Variants in PSPC1 observed in about 807,000 individuals in gnomAD.
PSPC1 encodes paraspeckle protein 1.
In PSPC1, 14 loss-of-function variants were observed where a neutral mutation model predicts 51.6. The observed-to-expected ratio is 0.27, with a 90% CI of 0.18 to 0.42. The LOEUF is 0.42. PSPC1 is among the 10% of genes least tolerant of loss of function. The probability of loss-of-function intolerance (pLI) is 1.00; values close to 1 mark genes in which losing one functional copy is unlikely to be tolerated. For missense variants in PSPC1, 406 were observed against 701.1 expected, an observed-to-expected ratio of 0.58 and a Z score of 4.75; for synonymous variants, 193 against 231.9, an observed-to-expected ratio of 0.83 and a Z score of 1.53.
chr13:19,732,830 C>T (rs780123608), intron 5 of PSPC1, among the ~76,000 whole-genome samples: 4 of 151,428 alleles, frequency 2.6e-5, no homozygotes, highest in Non-Finnish European at 4.4e-5. Flanking sequence ...GGGAGGCTGA[C>T]GCAGGAGAAT....
At chr13:19,739,862 TAAAAAAAAAA>T (rs1005642453) in intron 5 of PSPC1, among the ~76,000 whole-genome samples, 5 of 129,368 alleles carry the variant, frequency 3.9e-5, no homozygotes, top group Non-Finnish European at 8.4e-5. Context: ...GAGAGTTGTT[TAAAAAAAAAA>T]AAAAAAAAAC....
At chr13:19,767,822 T>TCATA (rs1316079618) in intron 2 of PSPC1, among the ~76,000 whole-genome samples, 1 of 152,030 alleles carries the variant, frequency 6.6e-6, no homozygotes, top group Non-Finnish European at 1.5e-5. Context: ...TAAGCAAAGA[T>TCATA]CATACAAGGA....
chr13:19,672,424 A>C (rs1056893446), downstream of PSPC1: 1 of 152,388 alleles, frequency 6.6e-6, no homozygotes, highest in Non-Finnish European at 1.5e-5. Flanking sequence ...GATTACAGGC[A>C]TGAGCCACCG....
intron 4 of PSPC1, among the ~76,000 whole-genome samples, chr13:19,743,684 G>A (rs150890390): frequency 6.6e-6 from 1 of 152,230 alleles, no homozygotes; most frequent in Admixed American, 6.5e-5. Context: ...ATGAGACAGG[G>A]CCCAGGTAGT....
At chr13:19,743,427 G>T (rs1017170373) in intron 4 of PSPC1, among the ~76,000 whole-genome samples, 1 of 151,836 alleles carries the variant, frequency 6.6e-6, no homozygotes, top group Non-Finnish European at 1.5e-5. Flanking sequence ...ACCATAACAA[G>T]GTAAATATTG....
chr13:19,672,749 C>G (rs1876206277), downstream of PSPC1: 1 of 171,714 alleles, frequency 5.8e-6, no homozygotes, highest in African/African-American at 2.4e-5. Flanking sequence ...ACAAGAGAAT[C>G]TAAGATGTAG....
chr13:19,782,710 C>A lies in PSPC1; in HGVS notation c.48G>T (p.Pro16=), dbSNP rs1890110115. The change falls in exon 1 of 9, where the codon CCG becomes CCT. Residue 16 remains proline (P), a synonymous_variant. Transcript: ENST00000338910. The surrounding 1 kb of genome is among the most constrained non-coding windows in gnomAD (Gnocchi z 4.5). ...CGGACTCCAGGGCGCGAAGGCGGGC[C>A]GGGTTTTTCTCAATGCGCACTTGCT... The part of the protein sequence containing the change: ...NLKQVRIEKN[P]ARLRALESAV... 3.2e-6 allele frequency: 5 copies of A among 1,569,936 alleles called. No individual in the cohort carries two copies. In the South Asian group the frequency reaches 3.4e-5, roughly 11 times the overall value.
At chr13:19,691,038 C>A (rs1233882836) in intron 6 of PSPC1, among the ~76,000 whole-genome samples, 3 of 152,110 alleles carry the variant, frequency 2.0e-5, no homozygotes, top group Non-Finnish European at 4.4e-5. Flanking sequence ...CAGACTGAGA[C>A]AAAAATGTTC....
At chr13:19,764,024 T>C (rs1259777714) in intron 2 of PSPC1, among the ~76,000 whole-genome samples, 1 of 151,982 alleles carries the variant, frequency 6.6e-6, no homozygotes, top group Non-Finnish European at 1.5e-5. Flanking sequence ...AACTGAAGGT[T>C]TTTTTCAGGG....
intron 6 of PSPC1, among the ~76,000 whole-genome samples, chr13:19,724,033 G>A (rs1446756828): frequency 1.3e-5 from 2 of 152,088 alleles, no homozygotes; most frequent in Non-Finnish European, 2.9e-5. Flanking sequence ...TAATTCTTTA[G>A]TTATTTCCAT....
At chr13:19,686,646 C>A (rs370896482) in intron 6 of PSPC1, among the ~76,000 whole-genome samples, 4 of 152,098 alleles carry the variant, frequency 2.6e-5, no homozygotes, top group African/African-American at 9.7e-5. Flanking sequence ...GTACCAGGTA[C>A]ACATTATTGT....
At chr13:19,775,919 T>C (rs1889069931) in intron 1 of PSPC1, among the ~76,000 whole-genome samples, 2 of 151,798 alleles carry the variant, frequency 1.3e-5, no homozygotes, top group Non-Finnish European at 1.5e-5. Context: ...GACGTGGCAG[T>C]GTGCGCCTGT....
intron 6 of PSPC1, among the ~76,000 whole-genome samples, chr13:19,681,542 A>G (rs1877268660): frequency 6.6e-6 from 1 of 152,240 alleles, no homozygotes; most frequent in Non-Finnish European, 1.5e-5. Flanking sequence ...GATTTTAACA[A>G]TGGCATATGT....
intron 3 of PSPC1, among the ~76,000 whole-genome samples, chr13:19,755,163 G>A (rs935279087): frequency 9.2e-5 from 14 of 151,918 alleles, no homozygotes; most frequent in Non-Finnish European, 1.8e-4. Flanking sequence ...TTGAGACCAG[G>A]AGGTAGAGGC....
chr13:19,772,586 GA>G, intron 1 of PSPC1, 43 bp from the exon 2 acceptor site: 2 of 1,537,018 alleles, frequency 1.3e-6, no homozygotes, highest in Non-Finnish European at 1.7e-6. Context: ...GACAGTAACA[GA>G]AAAAATTCAA....
At chr13:19,695,386 C>T (rs949584410) in intron 6 of PSPC1, among the ~76,000 whole-genome samples, 1 of 152,116 alleles carries the variant, frequency 6.6e-6, no homozygotes, top group African/African-American at 2.4e-5. Flanking sequence ...ACTTCCCAGC[C>T]CTAAAACTTG....
chr13:19,781,572 A>G (rs1407779433), intron 1 of PSPC1, among the ~76,000 whole-genome samples: 3 of 152,138 alleles, frequency 2.0e-5, no homozygotes, highest in Admixed American at 6.6e-5. Context: ...GAAAAACACT[A>G]TATTAGATAC....
intron 6 of PSPC1, among the ~76,000 whole-genome samples, chr13:19,694,763 T>C (rs763299990): frequency 1.3e-5 from 2 of 152,226 alleles, no homozygotes; most frequent in African/African-American, 4.8e-5. Flanking sequence ...ATGGTTCAGC[T>C]TCAGGCAGAA....
At chr13:19,750,823 A>G (rs1886470679) in intron 4 of PSPC1, among the ~76,000 whole-genome samples, 1 of 151,888 alleles carries the variant, frequency 6.6e-6, no homozygotes, top group Non-Finnish European at 1.5e-5. Flanking sequence ...AGGCTGGAGC[A>G]CAATGATGCG....
Sources: gnomAD v4.1 joint callset for allele counts (sites outside exome capture counted in the v4.1 genomes callset) on GRCh38, gnomAD v4.1.1 for gene constraint, Gnocchi (gnomAD v3.1) non-coding constraint, MANE v1.5 for transcripts, NCBI Gene and HGNC (gene_info 2026-07-23, HGNC 2026-07-21) for gene names.